Variants in LRCH1 observed in about 807,000 individuals in gnomAD.
The protein encoded by LRCH1 is leucine rich repeats and calponin homology domain containing 1, also known as leucine-rich repeat and calponin homology domain-containing protein 1.
A neutral mutation model predicts 94.9 loss-of-function variants in LRCH1; 23 were observed. The ratio of observed to expected loss-of-function variants is 0.24; its 90% CI spans 0.17 to 0.34. The LOEUF (loss-of-function observed/expected upper bound fraction) is 0.34, where lower values mean the gene tolerates loss of function less well. LRCH1 is among the 10% of genes least tolerant of loss of function. The pLI is 1.00. For synonymous variants in LRCH1, 364 were observed against 354.9 expected (o/e 1.03, Z -0.29); for missense variants, 790 against 945.9 (o/e 0.84, Z 2.16).
intron 1 of LRCH1, among the ~76,000 whole-genome samples, chr13:46,608,228 G>A (rs1437603784): frequency 1.3e-5 from 2 of 152,202 alleles, no homozygotes; most frequent in African/African-American, 4.8e-5. Context: ...TCACAGGGCA[G>A]AAAAGTGCAG....
chr13:46,603,427 C>T (rs1425703461), intron 1 of LRCH1, among the ~76,000 whole-genome samples: 1 of 152,040 alleles, frequency 6.6e-6, no homozygotes, highest in Admixed American at 6.5e-5. Context: ...AAGCTAGTGT[C>T]GCTGAGGTGT....
At chr13:46,738,896 A>G (rs1448609304) in intron 19 of LRCH1, among the ~76,000 whole-genome samples, 1 of 152,130 alleles carries the variant, frequency 6.6e-6, no homozygotes, top group African/African-American at 2.4e-5. Flanking sequence ...ATTAGTTGTC[A>G]TATATTTGGA....
intron 1 of LRCH1, among the ~76,000 whole-genome samples, chr13:46,639,680 A>G (rs2051135637): frequency 6.6e-6 from 1 of 152,168 alleles, no homozygotes; most frequent in South Asian, 2.1e-4. Context: ...CTGCTCGGCC[A>G]GGAAGATGGT....
At chr13:46,708,367 G>A (rs1378702923) in intron 13 of LRCH1, among the ~76,000 whole-genome samples, 1 of 151,622 alleles carries the variant, frequency 6.6e-6, no homozygotes, top group Non-Finnish European at 1.5e-5. Flanking sequence ...CACCTCGTGG[G>A]TTCAAGCAAT....
chr13:46,660,525 G>T (rs1443043366), intron 2 of LRCH1, among the ~76,000 whole-genome samples: 2 of 152,108 alleles, frequency 1.3e-5, no homozygotes, highest in Non-Finnish European at 2.9e-5. Flanking sequence ...CACACATTTT[G>T]TATTTTCTCT....
At chr13:46,585,436 G>A (rs915372211) in intron 1 of LRCH1, among the ~76,000 whole-genome samples, 6 of 151,698 alleles carry the variant, frequency 4.0e-5, no homozygotes, top group Non-Finnish European at 4.4e-5. Context: ...AATTAGCCAG[G>A]CATAGTGGTG....
chr13:46,644,606 G>T (rs1433090231), intron 1 of LRCH1, among the ~76,000 whole-genome samples: 2 of 152,212 alleles, frequency 1.3e-5, no homozygotes, highest in African/African-American at 2.4e-5. Flanking sequence ...AAGTGTCTAA[G>T]CTGTGTGTAG....
chr13:46,650,465 A>G (rs1473556550), intron 2 of LRCH1, 120 bp downstream of exon 2: 3 of 746,946 alleles, frequency 4.0e-6, no homozygotes, highest in Non-Finnish European at 4.1e-6. Context: ...TGTAGGTCAC[A>G]CACAGATGTT....
At chr13:46,631,350 C>T (rs2051015129) in intron 1 of LRCH1, among the ~76,000 whole-genome samples, 1 of 152,138 alleles carries the variant, frequency 6.6e-6, no homozygotes, top group Non-Finnish European at 1.5e-5. Context: ...GGGGTTTGTC[C>T]CTCATATGTT....
At chr13:46,591,292 A>G (rs897775879) in intron 1 of LRCH1, among the ~76,000 whole-genome samples, 9 of 152,170 alleles carry the variant, frequency 5.9e-5, no homozygotes, top group African/African-American at 1.7e-4. Flanking sequence ...ATAAGCATAT[A>G]TATGTGTTAC....
chr13:46,619,303 G>T (rs1220852573), intron 1 of LRCH1, among the ~76,000 whole-genome samples: 2 of 152,028 alleles, frequency 1.3e-5, no homozygotes, highest in African/African-American at 2.4e-5. Context: ...TCGAGATGGG[G>T]TTTCGCCACA....
intron 2 of LRCH1, among the ~76,000 whole-genome samples, chr13:46,658,982 A>G (rs755664135): frequency 6.6e-6 from 1 of 152,190 alleles, no homozygotes; most frequent in Non-Finnish European, 1.5e-5. Flanking sequence ...GGTTATAGTA[A>G]GTACAGCAAA....
At chr13:46,684,473 A>G (rs1183168695) in intron 4 of LRCH1, among the ~76,000 whole-genome samples, 2 of 152,132 alleles carry the variant, frequency 1.3e-5, no homozygotes, top group African/African-American at 4.8e-5. Context: ...TCTTGCTTTG[A>G]AGTCTTCATT....
chr13:46,689,081 T>A, intron 6 of LRCH1, 52 bp from the exon 7 acceptor site: 1 of 1,387,196 alleles, frequency 7.2e-7, no homozygotes, highest in Non-Finnish European at 1.0e-6. Context: ...GTGTGAACTT[T>A]GTGATTTTAA....
chr13:46,555,976 C>A (rs911814242), intron 1 of LRCH1, among the ~76,000 whole-genome samples: 1 of 152,130 alleles, frequency 6.6e-6, no homozygotes, highest in Non-Finnish European at 1.5e-5. Context: ...GTTGACACAG[C>A]GTACATGTAA....
chr13:46,724,123 A>T (rs1383778429), intron 17 of LRCH1, among the ~76,000 whole-genome samples: 2 of 151,982 alleles, frequency 1.3e-5, no homozygotes, highest in Non-Finnish European at 2.9e-5. Flanking sequence ...TGAGTAATTG[A>T]GATTACAGGT....
At chr13:46,649,872 A>G (rs571598938) in intron 1 of LRCH1, among the ~76,000 whole-genome samples, 14 of 152,078 alleles carry the variant, frequency 9.2e-5, no homozygotes, top group Non-Finnish European at 1.9e-4. Flanking sequence ...GTAAATATAT[A>G]TGTATTCAGA....
intron 3 of LRCH1, among the ~76,000 whole-genome samples, chr13:46,677,916 TTA>T (rs1483121643): frequency 6.6e-6 from 1 of 152,208 alleles, no homozygotes; most frequent in Admixed American, 6.5e-5. Context: ...ATTTGTGGTA[TTA>T]TAGTACTAAC....
intron 1 of LRCH1, among the ~76,000 whole-genome samples, chr13:46,630,720 T>C (rs972220605): frequency 6.6e-6 from 1 of 152,228 alleles, no homozygotes; most frequent in African/African-American, 2.4e-5. Context: ...GAGAGGTACA[T>C]TTTGGCTTTC....
Sources: gnomAD v4.1 joint callset for allele counts (sites outside exome capture counted in the v4.1 genomes callset) on GRCh38, gnomAD v4.1.1 for gene constraint, MANE v1.5 for transcripts, NCBI Gene and HGNC (gene_info 2026-07-23, HGNC 2026-07-21) for gene names.